UBE2D2: variants seen among roughly 807,000 people sequenced by gnomAD.
The protein encoded by UBE2D2 is ubiquitin conjugating enzyme E2 D2.
UBE2D2 carries 2 observed loss-of-function variants against 24.2 expected under a neutral mutation model. The observed-to-expected ratio is 0.08, with a 90% CI of 0.03 to 0.26. UBE2D2 has a LOEUF of 0.26. Ranked by LOEUF, UBE2D2 falls within the 10% of genes least tolerant of loss-of-function variation. The pLI is 1.00. For missense variants in UBE2D2, 44 were observed against 177.6 expected (o/e 0.25, Z 4.28); for synonymous variants, 58 against 56.5 (o/e 1.03, Z -0.12).
rs534773418 is a variant in UBE2D2 at position 139,599,186 on chromosome 5, C to A, written c.25-1186C>A. On this transcript the variant is annotated intron_variant, in intron 1 of 6. Coordinates refer to ENST00000398733, the MANE Select transcript of UBE2D2 (RefSeq NM_003339.3). Reference sequence around the variant, plus strand: ...CTGACGTCAGGTGATCCTCCCACCTCGGCCCCACAAAGTGCTGGGATTACA... The same window carrying A: ...CTGACGTCAGGTGATCCTCCCACCTAGGCCCCACAAAGTGCTGGGATTACA... Among the ~76,000 whole-genome samples the A allele has an allele frequency of 5.9e-5, 9 of 151,802 alleles. No homozygotes were observed. The East Asian group carries it at 1.6e-3, about 26-fold the overall frequency.
At position 139,544,715 on chromosome 5, in the gene UBE2D2, CTTTAA is replaced by C. The variant is rs1752802589; in HGVS notation, c.-64+18107_-64+18111del. Among the ~76,000 whole-genome samples the C allele has an allele frequency of 2.0e-5, 3 of 152,026 alleles. No individual in the cohort carries two copies. The South Asian group carries it at 6.2e-4, about 32-fold the overall frequency. On this transcript the variant is annotated intron_variant, in intron 1 of 6. Coordinates refer to the UBE2D2 transcript ENST00000511725. ...TAGTGCACATTTAAGTGTGCAGCTC[CTTTAA>C]TTTTTTACATATGAATACATCATTG...
rs749825992 is a variant in UBE2D2 at position 139,561,997 on chromosome 5, C to T, written c.24+182C>T. 1.9e-5 allele frequency: 18 copies of T among 954,118 alleles called. No homozygotes were observed. The South Asian group carries it at 2.3e-4, about 12-fold the overall frequency. 59.1% of individuals were successfully genotyped at this position (954,118 alleles called of 1,614,324 possible). A position where few individuals can be genotyped will look rare whatever the true frequency, so the allele number is the denominator to read the frequency against. On this transcript the variant is annotated intron_variant, in intron 1 of 6. Transcript: ENST00000398733. The stretch of plus-strand genomic sequence containing the variant: ...CCCGTGGAGGCCCCGGCGCGCAGCC[C>T]GCGCTTAGGCCGGAGGTGCTCTCGC...
At chr5:139,537,990 C>T (rs1050597722) in intron 1 of UBE2D2, among the ~76,000 whole-genome samples, 2 of 151,524 alleles carry the variant, frequency 1.3e-5, no homozygotes, top group Non-Finnish European at 2.9e-5. Flanking sequence ...GAAACCTTCC[C>T]TATTTTGTTA....
At chr5:139,545,904 T>C (rs529398983) in intron 1 of UBE2D2, among the ~76,000 whole-genome samples, 1 of 150,016 alleles carries the variant, frequency 6.7e-6, no homozygotes, top group Non-Finnish European at 1.5e-5. Flanking sequence ...TTGTATTTTT[T>C]TAAGTAGAGA....
intron 2 of UBE2D2, among the ~76,000 whole-genome samples, chr5:139,611,177 T>C (rs1205424874): frequency 1.1e-4 from 1 of 9,086 alleles, no homozygotes; most frequent in Non-Finnish European, 3.1e-4. Context: ...TTTTCCTTCT[T>C]TTTTTTTTTT....
upstream of UBE2D2, among the ~76,000 whole-genome samples, chr5:139,558,859 G>GGAAC (rs1371596868): frequency 6.6e-6 from 1 of 150,890 alleles, no homozygotes; most frequent in Non-Finnish European, 1.5e-5. Context: ...GAGGTGCAGT[G>GGAAC]GAACCACCAC....
At position 139,626,984 on chromosome 5, in the gene UBE2D2, G is replaced by A; in HGVS notation, c.*183G>A. 1 of 553,620 alleles carries A rather than the reference G, an allele frequency of 1.8e-6. No homozygotes were observed. Among genetic ancestry groups the A allele is most frequent in the Non-Finnish European group, 3.2e-6 (1 of 312,650 alleles). 34.3% of individuals were successfully genotyped at this position (553,620 alleles called of 1,614,324 possible). ...CTTGGAACAACAAACTAGAAATACT[G>A]TACTTCTGTACCAACATTGCCTCCT... On this transcript the variant is annotated 3_prime_UTR_variant, in exon 7 of 7. Coordinates refer to ENST00000398733, the MANE Select transcript of UBE2D2 (RefSeq NM_003339.3).
At chr5:139,561,184 C>T (rs767335626), upstream of UBE2D2, 3 of 152,788 alleles carry the variant, frequency 2.0e-5, no homozygotes, top group Admixed American at 6.5e-5. Context: ...GCGTCACGCC[C>T]TCCGGGGCCG....
rs949675703 is a variant in UBE2D2, at chr5:139,572,026, A to C, written c.24+10211A>C. ...TTATCCTTCCCATCTCTGACATTTC[A>C]GTCCCAGAATTCTTGAAAGAATAGT... On this transcript the variant is annotated intron_variant, in intron 1 of 6. Transcript: ENST00000398733. Among the ~76,000 whole-genome samples, 7 of 151,996 alleles carry C rather than the reference A, an allele frequency of 4.6e-5. No individual in the cohort carries two copies. The South Asian group carries it at 1.0e-3, about 23-fold the overall frequency.
At chr5:139,611,488 A>C (rs1754319832) in intron 2 of UBE2D2, among the ~76,000 whole-genome samples, 1 of 152,040 alleles carries the variant, frequency 6.6e-6, no homozygotes, top group Non-Finnish European at 1.5e-5. Context: ...ACACCCAGCG[A>C]CAAGTTTTAT....
rs892966738 is a variant in UBE2D2 at position 139,561,679 on chromosome 5, A to G, written c.-113A>G. The stretch of plus-strand genomic sequence containing the variant: ...CCGGACCCGCTTTCCTCAACTCTCC[A>G]TCTTCTCCTGCCGACCGAGATCGCC... On this transcript the variant is annotated 5_prime_UTR_variant, in exon 1 of 7. Transcript: ENST00000398733. 1.7e-4 allele frequency: 139 copies of G among 817,770 alleles called. No individual in the cohort carries two copies. The highest frequency in any genetic ancestry group is 2.4e-4 in the Non-Finnish European group (135 of 559,234). 50.7% of individuals were successfully genotyped at this position (817,770 alleles called of 1,614,324 possible).
intron 1 of UBE2D2, among the ~76,000 whole-genome samples, chr5:139,582,976 TC>T (rs1753639901): frequency 6.7e-6 from 1 of 149,592 alleles, no homozygotes; most frequent in Non-Finnish European, 1.5e-5. Context: ...GGCTTTTTTT[TC>T]TTTTTTTTTT....
intron 1 of UBE2D2, among the ~76,000 whole-genome samples, chr5:139,543,447 T>C (rs1310836205): frequency 2.6e-5 from 4 of 152,200 alleles, no homozygotes; most frequent in African/African-American, 9.6e-5. Context: ...CTTCCCTCTA[T>C]ACCCACGTAG....
intron 1 of UBE2D2, among the ~76,000 whole-genome samples, chr5:139,550,532 G>A (rs971428767): frequency 6.6e-6 from 1 of 152,168 alleles, no homozygotes; most frequent in Admixed American, 6.5e-5. Flanking sequence ...GCCTGCGCTA[G>A]TAGTGGCAAC....
At chr5:139,531,924 C>G (rs1250358099) in intron 1 of UBE2D2, among the ~76,000 whole-genome samples, 1 of 151,076 alleles carries the variant, frequency 6.6e-6, no homozygotes, top group Non-Finnish European at 1.5e-5. Context: ...GGGGTCGAAG[C>G]TGCAATGAGC....
In UBE2D2 at chr5:139,551,501, A is replaced by AGT. The variant is rs961964653; in HGVS notation, c.-64+24900_-64+24901dup. 7.9e-5 allele frequency among the ~76,000 whole-genome samples: 12 copies of AGT among 152,152 alleles called. No homozygotes were observed. The South Asian group carries it at 8.3e-4, about 10-fold the overall frequency. On this transcript the variant is annotated intron_variant, in intron 1 of 6. Transcript: ENST00000511725. ...TGTAGTTCTGTGACATACCATGAAGAGTGTGTGTGTGTTTTAAGGGAGCTA... is the reference window on the plus strand; with the variant it reads ...TGTAGTTCTGTGACATACCATGAAGAGTGTGTGTGTGTGTTTTAAGGGAGCTA...
At chr5:139,552,509 C>CT (rs35945797) in intron 1 of UBE2D2, among the ~76,000 whole-genome samples, 243 of 124,184 alleles carry the variant, frequency 2.0e-3, no homozygotes, top group Admixed American at 3.0e-3. Flanking sequence ...TTTCTTTTTT[C>CT]TTTTTTTTTT....
chr5:139,577,373 A>G (rs1414141304), intron 1 of UBE2D2, among the ~76,000 whole-genome samples: 1 of 148,280 alleles, frequency 6.7e-6, no homozygotes, highest in Non-Finnish European at 1.5e-5. Flanking sequence ...TACAGAGTAT[A>G]GTAGAAAACA....
intron 2 of UBE2D2, among the ~76,000 whole-genome samples, chr5:139,612,945 A>G (rs1754353719): frequency 6.6e-6 from 1 of 152,152 alleles, no homozygotes; most frequent in East Asian, 1.9e-4. Flanking sequence ...TTTAAACAAC[A>G]TACAAGGGGC....
Sources: allele counts gnomAD v4.1 joint callset (sites outside exome capture counted in the v4.1 genomes callset), GRCh38; gene constraint gnomAD v4.1.1; transcripts MANE v1.5; gene names NCBI Gene and HGNC (gene_info 2026-07-23, HGNC 2026-07-21).